Variants in ME1 observed in about 807,000 individuals in gnomAD.
The protein encoded by ME1 is malic enzyme 1.
Under a neutral mutation model 66.4 loss-of-function variants are expected in ME1, and 74 were observed. The observed-to-expected ratio is 1.11, with a 90% CI of 0.92 to 1.35. The LOEUF is 1.35. ME1 is among the 40% of genes most tolerant of loss of function. The probability of loss-of-function intolerance (pLI) is 0.00; values close to 1 mark genes in which losing one functional copy is unlikely to be tolerated. For synonymous variants in ME1, 251 were observed against 235.6 expected (o/e 1.07, Z -0.60); for missense variants, 750 against 694.1 (o/e 1.08, Z -0.90).
In ME1 at chr6:83,276,001, A is replaced by T. The variant is rs567724883; in HGVS notation, c.705-22263T>A. On this transcript the variant is annotated intron_variant, in intron 6 of 13. Coordinates refer to ENST00000369705, the MANE Select transcript of ME1 (RefSeq NM_002395.6). The stretch of plus-strand genomic sequence containing the variant: ...TAGCCAGGATGGTCGCGATCTTCTG[A>T]CCTCGTGATCTGCCCGTCTCGGTCT... Among the ~76,000 whole-genome samples the T allele has an allele frequency of 2.4e-4, 37 of 151,194 alleles. No individual in the cohort carries two copies. In the East Asian group the frequency reaches 6.4e-3, roughly 26 times the overall value.
At chr6:83,382,181 A>T (rs1769417155) in intron 3 of ME1, among the ~76,000 whole-genome samples, 2 of 152,086 alleles carry the variant, frequency 1.3e-5, no homozygotes, top group African/African-American at 4.8e-5. Flanking sequence ...CATTTCCTTC[A>T]TAACACAAAC....
chr6:83,323,722 C>G (rs886730248), intron 5 of ME1, among the ~76,000 whole-genome samples: 1 of 152,032 alleles, frequency 6.6e-6, no homozygotes, highest in African/African-American at 2.4e-5. Context: ...ACCTAGACTC[C>G]CACAAAATAA....
At chr6:83,216,703 C>A (rs1033631946) in intron 12 of ME1, 107 bp from the exon 13 acceptor site, 4 of 659,620 alleles carry the variant, frequency 6.1e-6, no homozygotes, top group African/African-American at 5.6e-5. Flanking sequence ...TATACAAAAA[C>A]CAGTGACATT....
In ME1 at chr6:83,346,299, G is replaced by A. The variant is rs747020906; in HGVS notation, c.474C>T (p.Gly158=). 1.9e-6 allele frequency: 3 copies of A among 1,612,068 alleles called. No homozygotes were observed. The highest frequency in any genetic ancestry group is 2.5e-6 in the Non-Finnish European group (3 of 1,178,962). The change falls in exon 5 of 14, where the codon GGC becomes GGT. Residue 158 remains glycine (G), a synonymous_variant. Transcript: ENST00000369705. ...TTCCATTACAGCCAAGGTCTCCCAA[G>A]CCAAGAATACGCTCTCCATCAGTCA... The part of the protein sequence containing the change: ...IVVTDGERIL[G]LGDLGCNGMG...
intron 11 of ME1, among the ~76,000 whole-genome samples, chr6:83,225,017 C>A (rs1251515479): frequency 6.6e-6 from 1 of 151,580 alleles, no homozygotes; most frequent in Non-Finnish European, 1.5e-5. Flanking sequence ...GCCTGGCCAA[C>A]ATGGTGAAAG....
intron 3 of ME1, among the ~76,000 whole-genome samples, chr6:83,374,841 A>G (rs1318080053): frequency 1.3e-5 from 2 of 152,310 alleles, no homozygotes; most frequent in East Asian, 3.9e-4. Flanking sequence ...AGCACCATTT[A>G]TTAAATAGGA....
chr6:83,213,516 C>T (rs1450727466), intron 13 of ME1, among the ~76,000 whole-genome samples: 2 of 152,078 alleles, frequency 1.3e-5, no homozygotes, highest in African/African-American at 2.4e-5. Flanking sequence ...AGGCTCCTGC[C>T]ACCACACCCG....
intron 9 of ME1, among the ~76,000 whole-genome samples, chr6:83,234,401 G>A (rs1039288430): frequency 6.6e-6 from 1 of 151,964 alleles, no homozygotes; most frequent in Admixed American, 6.6e-5. Context: ...ACTGCCAATG[G>A]GACATCTCTG....
chr6:83,402,872 T>C (rs1189006391), intron 2 of ME1, among the ~76,000 whole-genome samples: 1 of 152,238 alleles, frequency 6.6e-6, no homozygotes, highest in East Asian at 1.9e-4. Context: ...TATGACCATG[T>C]GATCAATTAA....
At chr6:83,400,960 C>G (rs1361512070) in intron 2 of ME1, among the ~76,000 whole-genome samples, 1 of 152,138 alleles carries the variant, frequency 6.6e-6, no homozygotes, top group Admixed American at 6.5e-5. Flanking sequence ...AACTGCTCCA[C>G]CACCTTTGAT....
At chr6:83,212,924 A>G (rs1156300039) in intron 13 of ME1, among the ~76,000 whole-genome samples, 41 of 150,546 alleles carry the variant, frequency 2.7e-4, no homozygotes, top group Non-Finnish European at 7.4e-5. Context: ...CTTTTGACCA[A>G]CTCAGACTAT....
In ME1 at chr6:83,356,355, C is replaced by T. The variant is rs78596208; in HGVS notation, c.363-4216G>A. 6.7e-3 allele frequency among the ~76,000 whole-genome samples: 1,024 copies of T among 152,020 alleles called. 11 individuals carry two copies. Among genetic ancestry groups the T allele is most frequent in the African/African-American group, 0.023 (948 of 41,476 alleles). ...TAGTGAGCCCTGTGAGTTAAGCCAA[C>T]GCTGAGTTATATACCAAAGATCTGG... is the stretch of plus-strand genomic sequence containing the variant. On this transcript the variant is annotated intron_variant, in intron 3 of 13. Coordinates refer to ENST00000369705, the MANE Select transcript of ME1 (RefSeq NM_002395.6).
intron 9 of ME1, among the ~76,000 whole-genome samples, chr6:83,230,128 G>GT (rs201960546): frequency 0.14 from 20,819 of 149,484 alleles, 1,779 homozygotes; most frequent in East Asian, 0.27. Flanking sequence ...GCCAGGCTCT[G>GT]TTTTTTTTTG....
intron 7 of ME1, among the ~76,000 whole-genome samples, chr6:83,240,322 T>C (rs891644406): frequency 1.3e-5 from 2 of 152,102 alleles, no homozygotes; most frequent in African/African-American, 2.4e-5. Context: ...TCTAATTATA[T>C]TGTATCATTT....
At chr6:83,247,144 A>G (rs547648456) in intron 7 of ME1, among the ~76,000 whole-genome samples, 1 of 152,272 alleles carries the variant, frequency 6.6e-6, no homozygotes, top group African/African-American at 2.4e-5. Context: ...CTAGTTTATT[A>G]TGGCAAAAAT....
intron 3 of ME1, among the ~76,000 whole-genome samples, chr6:83,358,737 G>T (rs1768948710): frequency 6.6e-6 from 1 of 152,136 alleles, no homozygotes; most frequent in Non-Finnish European, 1.5e-5. Flanking sequence ...CCCATCTCCA[G>T]TAGTGGCAAC....
rs983359118 is a variant in ME1, at chr6:83,227,027, A to G, written c.1275+308T>C. On this transcript the variant is annotated intron_variant, in intron 11 of 13. Transcript: ENST00000369705. ...TAGCTAGTTAAAAGCTATTTTAATA[A>G]GCCTCTAGAACCAAGCTGCTTCCTT... Among the ~76,000 whole-genome samples the G allele has an allele frequency of 3.3e-5, 5 of 152,292 alleles. No homozygotes were observed. In the East Asian group the frequency reaches 9.6e-4, roughly 29 times the overall value.
rs116496161 is a variant in ME1 at position 83,346,628 on chromosome 6, T to A, written c.439-294A>T. On this transcript the variant is annotated intron_variant, in intron 4 of 13. Coordinates refer to ENST00000369705, the MANE Select transcript of ME1 (RefSeq NM_002395.6). ...TCAAGAAGAGCAAGTGGGTAAAGTATAGGGAAATAAGAGCTCAGACTGGGA... is the reference window on the plus strand; with the variant it reads ...TCAAGAAGAGCAAGTGGGTAAAGTAAAGGGAAATAAGAGCTCAGACTGGGA... Among the ~76,000 whole-genome samples, 328 of 152,268 alleles carry A rather than the reference T, an allele frequency of 2.2e-3. 1 individual carries two copies. Among genetic ancestry groups the A allele is most frequent in the African/African-American group, 7.6e-3 (317 of 41,558 alleles).
rs567932516 is a variant in ME1 at position 83,325,704 on chromosome 6, G to A, written c.601-10291C>T. Among the ~76,000 whole-genome samples, 4 of 151,306 alleles carry A rather than the reference G, an allele frequency of 2.6e-5. No individual in the cohort carries two copies. In the South Asian group the frequency reaches 8.3e-4, roughly 31 times the overall value. On this transcript the variant is annotated intron_variant, in intron 5 of 13. Transcript: ENST00000369705. The stretch of plus-strand genomic sequence containing the variant: ...AGAAAAACTACAAACCACTGCTCGA[G>A]GAAATAAGAGAGGACACAAACAAAT...
Sources: gnomAD v4.1 joint callset for allele counts (sites outside exome capture counted in the v4.1 genomes callset) on GRCh38, gnomAD v4.1.1 for gene constraint, MANE v1.5 for transcripts, NCBI Gene and HGNC (gene_info 2026-07-23, HGNC 2026-07-21) for gene names.